STAG1: variants seen among roughly 807,000 people sequenced by gnomAD.
The protein encoded by STAG1 is cohesin subunit SA-1.
In STAG1, 26 loss-of-function variants were observed where a neutral mutation model predicts 170.9. The ratio of observed to expected loss-of-function variants is 0.15; its 90% CI spans 0.11 to 0.21. STAG1 has a LOEUF of 0.21. STAG1 is among the 10% of genes least tolerant of loss of function. The pLI is 1.00. For missense variants in STAG1, 964 were observed against 1,509.5 expected (o/e 0.64, Z 5.99); for synonymous variants, 514 against 497.7 (o/e 1.03, Z -0.44).
chr3:136,416,594 T>C (rs374509380), intron 21 of STAG1, among the ~76,000 whole-genome samples: 6 of 152,186 alleles, frequency 3.9e-5, no homozygotes, highest in African/African-American at 1.2e-4. Context: ...ACTTTCAACT[T>C]AGAAGCATGG....
chr3:136,502,091 G>T (rs568506692), intron 8 of STAG1, among the ~76,000 whole-genome samples: 26 of 152,158 alleles, frequency 1.7e-4, no homozygotes, highest in African/African-American at 6.3e-4. Context: ...TGAGGCAGGA[G>T]AATTGCTTTT....
At chr3:136,735,486 G>C (rs1934282147) in intron 1 of STAG1, among the ~76,000 whole-genome samples, 1 of 151,566 alleles carries the variant, frequency 6.6e-6, no homozygotes, top group South Asian at 2.1e-4. Context: ...GCCCAGGCTA[G>C]AGTGCACTGG....
chr3:136,705,407 AC>A lies in STAG1; in HGVS notation c.-84+46787del, dbSNP rs1395126134. The stretch of plus-strand genomic sequence containing the variant: ...CACACACACACACACACACACACAC[AC>A]ACACACACACACACACAACGAAGTT... On this transcript the variant is annotated intron_variant, in intron 1 of 33. Transcript: ENST00000383202. 4.0e-5 allele frequency among the ~76,000 whole-genome samples: 6 copies of A among 151,544 alleles called. No homozygotes were observed. In the East Asian group the frequency reaches 5.8e-4, roughly 15 times the overall value.
At chr3:136,361,944 A>G (rs1265519515) in intron 26 of STAG1, among the ~76,000 whole-genome samples, 1 of 150,330 alleles carries the variant, frequency 6.7e-6, no homozygotes, top group Non-Finnish European at 1.5e-5. Flanking sequence ...TGTTATATAT[A>G]ATTAATGCTT....
intron 5 of STAG1, among the ~76,000 whole-genome samples, chr3:136,546,016 A>G (rs1021869361): frequency 3.3e-5 from 5 of 152,174 alleles, no homozygotes; most frequent in African/African-American, 4.8e-5. Flanking sequence ...GATGCAGTCC[A>G]TCTACACCAA....
At chr3:136,701,923 T>A (rs1457430412) in intron 1 of STAG1, among the ~76,000 whole-genome samples, 1 of 152,102 alleles carries the variant, frequency 6.6e-6, no homozygotes, top group African/African-American at 2.4e-5. Flanking sequence ...ATAAATTAGA[T>A]TTTAACTGCT....
At chr3:136,676,945 A>G (rs781483030) in intron 1 of STAG1, among the ~76,000 whole-genome samples, 2 of 152,138 alleles carry the variant, frequency 1.3e-5, no homozygotes, top group East Asian at 1.9e-4. Flanking sequence ...AGGATCATCA[A>G]TATCACTGCC....
At chr3:136,569,684 G>C (rs527749047) in intron 4 of STAG1, among the ~76,000 whole-genome samples, 1 of 151,818 alleles carries the variant, frequency 6.6e-6, no homozygotes, top group African/African-American at 2.4e-5. Context: ...TTAATAATAG[G>C]AAAATTTGAC....
chr3:136,443,237 T>C (rs2088683609), intron 15 of STAG1, 50 bp downstream of exon 15: 3 of 1,284,616 alleles, frequency 2.3e-6, no homozygotes, highest in Non-Finnish European at 3.4e-6. Context: ...ACTGTATTGC[T>C]ATCAATGGAA....
At chr3:136,437,183 T>C (rs958204723) in intron 15 of STAG1, among the ~76,000 whole-genome samples, 2 of 152,220 alleles carry the variant, frequency 1.3e-5, no homozygotes, top group Admixed American at 6.5e-5. Context: ...TCTCCCATTA[T>C]AGTGGGAGTA....
intron 1 of STAG1, among the ~76,000 whole-genome samples, chr3:136,746,995 C>T (rs1576844887): frequency 6.8e-6 from 1 of 147,354 alleles, no homozygotes; most frequent in African/African-American, 2.5e-5. Context: ...ACTCAGGAGG[C>T]TGAGGCAGAA....
chr3:136,342,129 T>C (rs865711), intron 30 of STAG1, among the ~76,000 whole-genome samples: 6 of 150,512 alleles, frequency 4.0e-5, no homozygotes, highest in Admixed American at 3.3e-4. Context: ...AAGGGATTCT[T>C]CTGTCTCAGC....
intron 9 of STAG1, among the ~76,000 whole-genome samples, chr3:136,497,246 T>C (rs993638583): frequency 4.6e-5 from 7 of 151,812 alleles, no homozygotes; most frequent in Non-Finnish European, 7.4e-5. Context: ...AAGGCCAGCA[T>C]TACCTTGCTA....
chr3:136,577,308 T>C (rs1185298039), intron 4 of STAG1, among the ~76,000 whole-genome samples: 2 of 152,170 alleles, frequency 1.3e-5, no homozygotes, highest in African/African-American at 2.4e-5. Context: ...AGGGGCTGAT[T>C]TTGTTGAAAA....
At chr3:136,547,837 G>A (rs944876186) in intron 5 of STAG1, among the ~76,000 whole-genome samples, 6 of 152,010 alleles carry the variant, frequency 3.9e-5, no homozygotes, top group South Asian at 2.1e-4. Flanking sequence ...TCTAAGAGTC[G>A]GTAAGTTTCA....
chr3:136,363,744 G>C (rs994214679), intron 25 of STAG1, among the ~76,000 whole-genome samples: 2 of 152,086 alleles, frequency 1.3e-5, no homozygotes, highest in African/African-American at 4.8e-5. Flanking sequence ...GAAGAGAGGT[G>C]GTGAGAAAAA....
chr3:136,399,671 C>G (rs116490962), intron 21 of STAG1, among the ~76,000 whole-genome samples: 134 of 152,236 alleles, frequency 8.8e-4, no homozygotes, highest in African/African-American at 2.9e-3. Context: ...TTGCGATTAA[C>G]ATGCTTATAT....
At chr3:136,413,466 AT>A (rs910375162) in intron 21 of STAG1, among the ~76,000 whole-genome samples, 5 of 149,810 alleles carry the variant, frequency 3.3e-5, no homozygotes, top group Non-Finnish European at 7.4e-5. Context: ...TATTATTATT[AT>A]TTTTTTTTGA....
Position 136,751,835 on chromosome 3 carries a change from G to A in STAG1, c.-84+360C>T, listed in dbSNP as rs893905007. On this transcript the variant is annotated intron_variant, in intron 1 of 33. Transcript: ENST00000383202. ...GGGGGGGGCGGAGGGCGGGCTTGGC[G>A]GCGGGCCCGAGCGCGCCACAAAGGC... 2.7e-4 allele frequency among the ~76,000 whole-genome samples: 41 copies of A among 150,792 alleles called. No individual in the cohort carries two copies. In the Middle Eastern group the frequency reaches 0.01, roughly 39 times the overall value.
Sources: allele counts gnomAD v4.1 joint callset (sites outside exome capture counted in the v4.1 genomes callset), GRCh38; gene constraint gnomAD v4.1.1; transcripts MANE v1.5; gene names NCBI Gene and HGNC (gene_info 2026-07-23, HGNC 2026-07-21).